The following CTTNBP2 variants were observed in gnomAD, a reference collection of about 807,000 sequenced individuals.
CTTNBP2 encodes the protein cortactin binding protein 2.
In CTTNBP2, 108 loss-of-function variants were observed where a neutral mutation model predicts 156.9. The ratio of observed to expected loss-of-function variants is 0.69; its 90% CI spans 0.59 to 0.81. The LOEUF (loss-of-function observed/expected upper bound fraction) is 0.81. Among genes scored for constraint, CTTNBP2 ranks in the 30% least tolerant of loss-of-function variants. The pLI is 0.00. For missense variants in CTTNBP2, 1,924 were observed against 2,035.4 expected (o/e 0.95, Z 1.05); for synonymous variants, 767 against 751.8 (o/e 1.02, Z -0.33).
At chr7:117,802,458 CAAAAA>C (rs1799684667) in intron 3 of CTTNBP2, among the ~76,000 whole-genome samples, 2 of 107,378 alleles carry the variant, frequency 1.9e-5, no homozygotes, top group African/African-American at 6.3e-5. Flanking sequence ...AAAAAAAAAA[CAAAAA>C]CAAACAAACA....
At chr7:117,854,797 T>G (rs548333048) in intron 2 of CTTNBP2, among the ~76,000 whole-genome samples, 15 of 152,286 alleles carry the variant, frequency 9.8e-5, no homozygotes, top group African/African-American at 2.6e-4. Context: ...TATTTATTTA[T>G]TTTTTGAGAC....
chr7:117,863,727 A>G (rs570505640), intron 1 of CTTNBP2, among the ~76,000 whole-genome samples: 1 of 152,354 alleles, frequency 6.6e-6, no homozygotes, highest in South Asian at 2.1e-4. Context: ...TCAATGAAGT[A>G]AGTGCCAAAT....
At chr7:117,839,795 C>T (rs1802166864) in intron 2 of CTTNBP2, among the ~76,000 whole-genome samples, 1 of 152,108 alleles carries the variant, frequency 6.6e-6, no homozygotes, top group Admixed American at 6.6e-5. Context: ...TCTACAGGGC[C>T]CCATGGCATA....
At chr7:117,819,701 A>G (rs1378757681) in intron 2 of CTTNBP2, among the ~76,000 whole-genome samples, 1 of 152,126 alleles carries the variant, frequency 6.6e-6, no homozygotes, top group Non-Finnish European at 1.5e-5. Flanking sequence ...CAATGCTGAG[A>G]ATGTCAGAGA....
rs148256372 is a variant in CTTNBP2 at position 117,775,407 on chromosome 7, C to T, written c.2778+2104G>A. ...CATGTGGAAATCAATGACAATGCCA[C>T]GTTTGATCATAAAAACACCAGAACT... On this transcript the variant is annotated intron_variant, in intron 8 of 22. Coordinates refer to ENST00000160373, the MANE Select transcript of CTTNBP2 (RefSeq NM_033427.3). Among the ~76,000 whole-genome samples the T allele has an allele frequency of 2.0e-4, 31 of 151,990 alleles. 1 individual carries two copies. Among genetic ancestry groups the T allele is most frequent in the African/African-American group, 7.2e-4 (30 of 41,410 alleles).
intron 1 of CTTNBP2, among the ~76,000 whole-genome samples, chr7:117,870,983 G>A (rs551940096): frequency 6.6e-6 from 1 of 152,306 alleles, no homozygotes; most frequent in South Asian, 2.1e-4. Flanking sequence ...AATCTAAATA[G>A]TCAAAGCTTA....
chr7:117,792,100 T>A lies in CTTNBP2; in HGVS notation c.1096A>T (p.Ile366Phe), dbSNP rs201271080. The A allele has an allele frequency of 1.2e-5, 19 of 1,614,096 alleles. No homozygotes were observed. In the East Asian group the frequency reaches 4.0e-4, roughly 34 times the overall value. The change falls in exon 4 of 23, where the codon ATT becomes TTT. Residue 366 changes from isoleucine (I) to phenylalanine (F), a missense_variant. Transcript: ENST00000160373. This position sits in a 1 kb window ranked among gnomAD's most constrained non-coding sequence, Gnocchi z 4.2. ...GGGAAAGCGGGTACAGAAGCGCCAA[T>A]CAAGTCACCATAGGAAGCCTGCCTG... is the stretch of plus-strand genomic sequence containing the variant. ...IDRQASYGDLIGASVPAFPPP... is the reference protein window; with the variant it reads ...IDRQASYGDLFGASVPAFPPP...
In CTTNBP2 at chr7:117,760,659, T is replaced by C. The variant is rs370835376; in HGVS notation, c.2948A>G (p.Asn983Ser). The change falls in exon 10 of 23, where the codon AAC becomes AGC. Residue 983 changes from asparagine to serine, a missense_variant. Coordinates refer to ENST00000160373, the MANE Select transcript of CTTNBP2 (RefSeq NM_033427.3). ...RISVGEIEPSNYGSDDLECEN... is the reference protein window; with the variant it reads ...RISVGEIEPSSYGSDDLECEN... ...ACATTCCAAGTCATCAGAACCATAG[T>C]TGCTTGGTTCAATCTCACCCACTGA... 3.7e-6 allele frequency: 6 copies of C among 1,612,544 alleles called. No homozygotes were observed. The highest frequency in any genetic ancestry group is 5.1e-6 in the Non-Finnish European group (6 of 1,178,682).
chr7:117,715,717 C>T (rs1372426518), intron 22 of CTTNBP2: 1 of 152,126 alleles, frequency 6.6e-6, no homozygotes, highest in African/African-American at 2.4e-5. Context: ...TATATTGTTG[C>T]AAATAATAAA....
At chr7:117,744,988 C>T (rs1050923405) in intron 14 of CTTNBP2, among the ~76,000 whole-genome samples, 4 of 152,200 alleles carry the variant, frequency 2.6e-5, no homozygotes, top group African/African-American at 9.7e-5. Context: ...GCTTCCTTCG[C>T]CCCTTCCCCA....
At chr7:117,737,092 C>T (rs6971315) in intron 14 of CTTNBP2, among the ~76,000 whole-genome samples, 1 of 152,082 alleles carries the variant, frequency 6.6e-6, no homozygotes, top group Admixed American at 6.6e-5. Context: ...ATCACAGCCA[C>T]CTCTCAATCT....
Position 117,777,679 on chromosome 7 carries a change from A to G in CTTNBP2, c.2610T>C (p.His870=), listed in dbSNP as rs747951130. ...KLLMYHRIPA[H]GNSFNEEESE... is the part of the protein sequence containing the mutation. ...ACTCCTCCTCATTGAAAGAATTTCC[A>G]TGAGCTGGTATTCTATGGTACATAA... The change falls in exon 8 of 23, where the codon CAT becomes CAC. Residue 870 remains histidine (H), a synonymous_variant. Coordinates refer to ENST00000160373, the MANE Select transcript of CTTNBP2 (RefSeq NM_033427.3). 6.2e-7 allele frequency: 1 copy of G among 1,614,166 alleles called. No homozygotes were observed. The highest frequency in any genetic ancestry group is 1.1e-5 in the South Asian group (1 of 91,086).
intron 9 of CTTNBP2, among the ~76,000 whole-genome samples, chr7:117,764,417 G>C (rs2116679545): frequency 6.6e-6 from 1 of 152,192 alleles, no homozygotes; most frequent in African/African-American, 2.4e-5. Context: ...ACCTGGAATG[G>C]CTCTATTTTC....
intron 1 of CTTNBP2, chr7:117,872,327 C>G (rs1804664263): frequency 6.6e-6 from 1 of 152,396 alleles, no homozygotes; most frequent in Non-Finnish European, 1.5e-5. Flanking sequence ...AAGAGGGGGG[C>G]GTCCACGCCC....
At chr7:117,777,341 A>G (rs958384082) in intron 8 of CTTNBP2, among the ~76,000 whole-genome samples, 170 bp downstream of exon 8, 2 of 152,240 alleles carry the variant, frequency 1.3e-5, no homozygotes, top group African/African-American at 4.8e-5. Context: ...ACCCTTGACC[A>G]TAAGTAACTA....
In CTTNBP2 at chr7:117,825,152, G is replaced by A. The variant is rs577951715; in HGVS notation, c.190-14163C>T. 2.9e-4 allele frequency among the ~76,000 whole-genome samples: 44 copies of A among 152,308 alleles called. 1 individual carries two copies. The highest frequency in any genetic ancestry group is 3.4e-3 in the Middle Eastern group (1 of 294). ...TTGCTCCTTTCATTTGAGTGAGAGA[G>A]AGTAAAGGCCAATGGCAGGCCCTTC... On this transcript the variant is annotated intron_variant, in intron 2 of 22. Transcript: ENST00000160373.
chr7:117,793,838 C>T (rs1177548881), intron 3 of CTTNBP2, among the ~76,000 whole-genome samples: 1 of 152,220 alleles, frequency 6.6e-6, no homozygotes, highest in Admixed American at 6.5e-5. Flanking sequence ...TTCTAATATA[C>T]ACAAAAGCTC....
At chr7:117,858,097 G>A (rs1803453222) in intron 2 of CTTNBP2, among the ~76,000 whole-genome samples, 1 of 152,174 alleles carries the variant, frequency 6.6e-6, no homozygotes, top group Non-Finnish European at 1.5e-5. Context: ...TAGGTCGGGC[G>A]CGGTGGCTCA....
intron 2 of CTTNBP2, among the ~76,000 whole-genome samples, chr7:117,842,490 A>C (rs1802335955): frequency 6.6e-6 from 1 of 152,144 alleles, no homozygotes; most frequent in African/African-American, 2.4e-5. Flanking sequence ...GGCATGAGCC[A>C]CTGTGACCGG....
Sources: gnomAD v4.1 joint callset for allele counts (sites outside exome capture counted in the v4.1 genomes callset) on GRCh38, gnomAD v4.1.1 for gene constraint, Gnocchi (gnomAD v3.1) non-coding constraint, MANE v1.5 for transcripts, NCBI Gene and HGNC (gene_info 2026-07-23, HGNC 2026-07-21) for gene names.